CDH11: variants seen among roughly 807,000 people sequenced by gnomAD.
CDH11 encodes the protein cadherin-11.
Under a neutral mutation model 67.8 loss-of-function variants are expected in CDH11, and 11 were observed. The ratio of observed to expected loss-of-function variants is 0.16; its 90% confidence interval spans 0.10 to 0.27. The LOEUF is 0.27. Among genes scored for constraint, CDH11 ranks in the 10% least tolerant of loss-of-function variants. The pLI, the probability that CDH11 is intolerant of heterozygous loss-of-function variation, is 1.00. For synonymous variants in CDH11, 419 were observed against 400.0 expected (o/e 1.05, Z -0.57); for missense variants, 847 against 1,031.2 (o/e 0.82, Z 2.45).
At chr16:65,088,656 G>T (rs2074741970) in intron 1 of CDH11, among the ~76,000 whole-genome samples, 1 of 152,096 alleles carries the variant, frequency 6.6e-6, no homozygotes, top group Non-Finnish European at 1.5e-5. Flanking sequence ...ATAAAAATTT[G>T]TTGAGCATTT....
At chr16:65,087,097 G>A (rs567838789) in intron 1 of CDH11, among the ~76,000 whole-genome samples, 1 of 152,144 alleles carries the variant, frequency 6.6e-6, no homozygotes, top group African/African-American at 2.4e-5. Flanking sequence ...TCGGAGTTAG[G>A]TGTGAATTGG....
At position 64,970,141 on chromosome 16, in the gene CDH11, A is replaced by C. The variant is rs187527302; in HGVS notation, c.1642+1438T>G. 4.0e-3 allele frequency among the ~76,000 whole-genome samples: 602 copies of C among 152,310 alleles called. 1 individual carries two copies. Among genetic ancestry groups the C allele is most frequent in the Non-Finnish European group, 6.4e-3 (438 of 68,016 alleles). ...TAACTTCCTTCACACTTCAGTTCTT[A>C]AGAGCAAGTTCATTATAGAAAGCAA... On this transcript the variant is annotated intron_variant, in intron 11 of 12. Transcript: ENST00000268603.
At position 65,053,816 on chromosome 16, in the gene CDH11, T is replaced by C. The variant is rs2074098024; in HGVS notation, c.-185A>G. ...TAGTCCAACTTACCTTCTTCACCCA[T>C]TGGATACTTGCTGCCAATTTCTGTA... On this transcript the variant is annotated 5_prime_UTR_variant, in exon 2 of 13. An upstream start codon of the reference 5' UTR is lost. Coordinates refer to ENST00000268603, the MANE Select transcript of CDH11 (RefSeq NM_001797.4). 2.2e-6 allele frequency: 1 copy of C among 455,918 alleles called. No homozygotes were observed. The highest frequency in any genetic ancestry group is 2.0e-5 in the African/African-American group (1 of 50,072). The allele number at this position is 455,918 out of a possible 1,614,324, so 28.2% of individuals were successfully genotyped here.
chr16:64,963,293 A>C (rs553445907), intron 11 of CDH11, among the ~76,000 whole-genome samples: 1 of 152,178 alleles, frequency 6.6e-6, no homozygotes, highest in South Asian at 2.1e-4. Context: ...GAGATAAAAA[A>C]CATCAACAGA....
chr16:65,005,704 A>T (rs986393759), intron 2 of CDH11, among the ~76,000 whole-genome samples: 2 of 152,234 alleles, frequency 1.3e-5, no homozygotes, highest in Non-Finnish European at 2.9e-5. Flanking sequence ...TATAGTGTCA[A>T]TTCAAGGAGG....
At chr16:65,048,342 CA>C (rs1477352442) in intron 2 of CDH11, among the ~76,000 whole-genome samples, 2 of 152,098 alleles carry the variant, frequency 1.3e-5, no homozygotes, top group African/African-American at 4.8e-5. Flanking sequence ...GGAGATTTCT[CA>C]AAGAACTGAA....
chr16:64,948,521 C>T (rs528841868), intron 12 of CDH11: 3 of 1,093,114 alleles, frequency 2.7e-6, no homozygotes, highest in African/African-American at 1.5e-5. Flanking sequence ...GCCCTTAGGG[C>T]CTACCATCTT....
At chr16:64,955,518 T>C (rs35142) in intron 11 of CDH11, among the ~76,000 whole-genome samples, 48,870 of 151,900 alleles carry the variant, frequency 0.32, 8,186 homozygotes, top group Non-Finnish European at 0.38. Flanking sequence ...GTGGGAGAAT[T>C]GTTTAAAGCC....
At chr16:65,048,402 A>C (rs2073999005) in intron 2 of CDH11, among the ~76,000 whole-genome samples, 1 of 152,202 alleles carries the variant, frequency 6.6e-6, no homozygotes, top group Non-Finnish European at 1.5e-5. Context: ...GTACCTATCT[A>C]AGGGAAAAGA....
intron 1 of CDH11, among the ~76,000 whole-genome samples, chr16:65,062,444 A>G (rs1362938101): frequency 6.6e-6 from 1 of 152,174 alleles, no homozygotes; most frequent in Non-Finnish European, 1.5e-5. Flanking sequence ...CTATCTTTCC[A>G]TAGTAAGAAA....
chr16:65,085,758 G>A (rs564429818), intron 1 of CDH11, among the ~76,000 whole-genome samples: 4 of 152,304 alleles, frequency 2.6e-5, no homozygotes, highest in East Asian at 3.9e-4. Flanking sequence ...GTGTGGTTAC[G>A]TGCCTTATAA....
intron 6 of CDH11, among the ~76,000 whole-genome samples, chr16:64,989,978 C>T (rs1281041583): frequency 6.6e-6 from 1 of 152,112 alleles, no homozygotes; most frequent in Non-Finnish European, 1.5e-5. Context: ...TCTATTTAAT[C>T]TCACCATGCC....
At chr16:65,026,829 G>A (rs949294454) in intron 2 of CDH11, among the ~76,000 whole-genome samples, 1 of 152,222 alleles carries the variant, frequency 6.6e-6, no homozygotes, top group Non-Finnish European at 1.5e-5. Flanking sequence ...ACAAAATTTT[G>A]TTCTACATCC....
chr16:65,092,501 C>T (rs572938692), intron 1 of CDH11, among the ~76,000 whole-genome samples: 1 of 152,292 alleles, frequency 6.6e-6, no homozygotes, highest in Admixed American at 6.5e-5. Flanking sequence ...CTAACCCATG[C>T]CTTAGTACCA....
In CDH11 at chr16:64,945,816, G is replaced by T; in HGVS notation, c.*1787C>A. ...AGTACATAACATGATATCAAGAAAT[G>T]CTTGAAACAAACTTTCACAATAAAG... On this transcript the variant is annotated 3_prime_UTR_variant, in exon 13 of 13. Coordinates refer to ENST00000268603, the MANE Select transcript of CDH11 (RefSeq NM_001797.4). 1 of 1,049,204 alleles carries T rather than the reference G, an allele frequency of 9.5e-7. No individual in the cohort carries two copies. 65.0% of individuals were successfully genotyped at this position (1,049,204 alleles called of 1,614,324 possible). A position where few individuals can be genotyped will look rare whatever the true frequency, so the allele number is the denominator to read the frequency against.
At chr16:65,045,357 A>ATATC (rs1567546344) in intron 2 of CDH11, among the ~76,000 whole-genome samples, 1 of 104,052 alleles carries the variant, frequency 9.6e-6, no homozygotes, top group African/African-American at 3.4e-5. Context: ...ATATATATAT[A>ATATC]TATATATATA....
At chr16:65,048,363 A>C (rs1202348667) in intron 2 of CDH11, among the ~76,000 whole-genome samples, 2 of 152,192 alleles carry the variant, frequency 1.3e-5, no homozygotes, top group African/African-American at 4.8e-5. Flanking sequence ...AAATAGGGCT[A>C]CCTTTCAGCC....
At chr16:65,038,510 A>C (rs536005711) in intron 2 of CDH11, among the ~76,000 whole-genome samples, 1 of 152,186 alleles carries the variant, frequency 6.6e-6, no homozygotes, top group Non-Finnish European at 1.5e-5. Context: ...TGCAACTTAC[A>C]ATAGAAATGT....
intron 11 of CDH11, among the ~76,000 whole-genome samples, chr16:64,955,707 T>C (rs920980790): frequency 1.3e-5 from 2 of 152,102 alleles, no homozygotes; most frequent in Middle Eastern, 3.2e-3. Context: ...ATAGTACCAC[T>C]GCACTACACC....
Sources: gnomAD v4.1 joint callset for allele counts (sites outside exome capture counted in the v4.1 genomes callset) on GRCh38, gnomAD v4.1.1 for gene constraint, MANE v1.5 for transcripts, NCBI Gene and HGNC (gene_info 2026-07-23, HGNC 2026-07-21) for gene names.